The following PHF20 variants were observed in gnomAD, a reference collection of about 807,000 sequenced individuals.
PHF20 encodes PHD finger protein 20.
Under a neutral mutation model 113.5 loss-of-function variants are expected in PHF20, and 23 were observed. The observed-to-expected ratio is 0.20, with a 90% CI of 0.15 to 0.29. PHF20 has a LOEUF of 0.29. PHF20 is among the 10% of genes least tolerant of loss of function. PHF20 has a pLI of 1.00. For synonymous variants in PHF20, 434 were observed against 457.3 expected, an observed-to-expected ratio of 0.95 and a Z score of 0.65; for missense variants, 943 against 1,219.6, an observed-to-expected ratio of 0.77 and a Z score of 3.38.
chr20:35,892,025 ACC>A (rs2147040081), intron 9 of PHF20, among the ~76,000 whole-genome samples: 1 of 147,058 alleles, frequency 6.8e-6, no homozygotes, highest in Admixed American at 6.8e-5. Flanking sequence ...ATCCGCCACC[ACC>A]CCCAGCTAAT....
At chr20:35,815,295 T>A (rs1024825781) in intron 2 of PHF20, among the ~76,000 whole-genome samples, 4 of 150,822 alleles carry the variant, frequency 2.7e-5, no homozygotes, top group Non-Finnish European at 5.9e-5. Context: ...ACTCAAAATA[T>A]GGCCAGACAC....
intron 2 of PHF20, among the ~76,000 whole-genome samples, chr20:35,833,645 A>G (rs558339885): frequency 1.3e-5 from 2 of 152,226 alleles, no homozygotes; most frequent in East Asian, 3.9e-4. Flanking sequence ...CAGACTCTTG[A>G]TCTCTGAAGG....
At chr20:35,926,903 G>T (rs756213245) in intron 13 of PHF20, among the ~76,000 whole-genome samples, 1 of 152,188 alleles carries the variant, frequency 6.6e-6, no homozygotes, top group African/African-American at 2.4e-5. Flanking sequence ...GTAGTTAAAG[G>T]TTTAGGGTCC....
intron 4 of PHF20, chr20:35,856,399 C>A (rs1302143971): frequency 1.3e-5 from 2 of 152,056 alleles, no homozygotes; most frequent in Non-Finnish European, 1.5e-5. Flanking sequence ...ATTCCTGTGC[C>A]CTGTTCCCAG....
intron 9 of PHF20, among the ~76,000 whole-genome samples, chr20:35,891,097 C>A (rs931024777): frequency 6.6e-6 from 1 of 152,142 alleles, no homozygotes; most frequent in Non-Finnish European, 1.5e-5. Context: ...ACATTCCAGG[C>A]CGGGTACAGT....
chr20:35,868,706 G>A (rs2054363297), intron 6 of PHF20, among the ~76,000 whole-genome samples: 4 of 152,212 alleles, frequency 2.6e-5, no homozygotes, highest in Admixed American at 2.6e-4. Context: ...TGTCAGAGCT[G>A]GGTTTGCTGG....
chr20:35,779,782 A>C (rs148099722), intron 1 of PHF20, among the ~76,000 whole-genome samples: 1 of 152,048 alleles, frequency 6.6e-6, no homozygotes, highest in African/African-American at 2.4e-5. Context: ...CGGCCTCCCA[A>C]ACTGCTGGGA....
intron 7 of PHF20, 75 bp from the exon 8 acceptor site, chr20:35,870,880 G>A (rs2054408754): frequency 1.8e-6 from 2 of 1,088,004 alleles, no homozygotes; most frequent in Non-Finnish European, 2.6e-6. Context: ...GAGACATCCA[G>A]CCCTGAAATC....
At chr20:35,940,571 C>T (rs1298571759) in intron 16 of PHF20, among the ~76,000 whole-genome samples, 2 of 152,202 alleles carry the variant, frequency 1.3e-5, no homozygotes, top group Non-Finnish European at 2.9e-5. Context: ...GCTCTAATCA[C>T]CTCTCAGGGC....
chr20:35,789,063 G>A (rs183990787), intron 1 of PHF20, among the ~76,000 whole-genome samples: 1 of 152,232 alleles, frequency 6.6e-6, no homozygotes, highest in Non-Finnish European at 1.5e-5. Flanking sequence ...CAGGTGTGAA[G>A]GAAGTCCTTC....
At chr20:35,929,846 C>T (rs1048263224) in intron 14 of PHF20, among the ~76,000 whole-genome samples, 8 of 152,214 alleles carry the variant, frequency 5.3e-5, no homozygotes, top group African/African-American at 7.2e-5. Flanking sequence ...TTAACAGATT[C>T]GTTTTTTAAA....
In PHF20 at chr20:35,892,224, ATTTT is replaced by A. The variant is rs780490898; in HGVS notation, c.1283-7127_1283-7124del. On this transcript the variant is annotated intron_variant, in intron 9 of 17. Transcript: ENST00000374012. Reference sequence around the variant, plus strand: ...AGGCATGCACCACCACGCCTGGCTGATTTTTTTTTTTTTTTTTTTTTTGTATTTT... The same window carrying A: ...AGGCATGCACCACCACGCCTGGCTGATTTTTTTTTTTTTTTTTTGTATTTT... Among the ~76,000 whole-genome samples the A allele has an allele frequency of 1.1e-4, 11 of 102,520 alleles. No individual in the cohort carries two copies. In the East Asian group the frequency reaches 1.3e-3, roughly 12 times the overall value. 67.3% of individuals were successfully genotyped at this position (102,520 alleles called of 152,430 possible).
chr20:35,896,933 CT>C (rs2054997143), intron 9 of PHF20, among the ~76,000 whole-genome samples: 1 of 152,074 alleles, frequency 6.6e-6, no homozygotes, highest in Non-Finnish European at 1.5e-5. Context: ...TCATTGAGTC[CT>C]ATGAGTCCTC....
chr20:35,829,752 TG>T (rs1411962758), intron 2 of PHF20, among the ~76,000 whole-genome samples: 4 of 151,972 alleles, frequency 2.6e-5, no homozygotes, highest in Admixed American at 2.6e-4. Flanking sequence ...CCCAGCACTT[TG>T]GGAGGCTGAG....
intron 9 of PHF20, among the ~76,000 whole-genome samples, chr20:35,877,756 C>T (rs1357344000): frequency 6.6e-6 from 1 of 152,054 alleles, no homozygotes; most frequent in African/African-American, 2.4e-5. Flanking sequence ...ACAGAATAAA[C>T]AAGAGAGAAA....
intron 7 of PHF20, 149 bp downstream of exon 7, chr20:35,869,700 AAGG>A (rs2054384005): frequency 1.5e-6 from 1 of 647,694 alleles, no homozygotes; most frequent in Admixed American, 3.2e-5. Context: ...GTTGGATCAG[AAGG>A]AGTTTTTGCT....
intron 17 of PHF20, among the ~76,000 whole-genome samples, chr20:35,946,496 A>T (rs1268872508): frequency 6.6e-6 from 1 of 151,954 alleles, no homozygotes; most frequent in Non-Finnish European, 1.5e-5. Context: ...ATTCTGTGCC[A>T]CTGATGATTG....
chr20:35,798,118 C>T (rs369033042), intron 1 of PHF20, among the ~76,000 whole-genome samples: 1 of 152,068 alleles, frequency 6.6e-6, no homozygotes, highest in African/African-American at 2.4e-5. Flanking sequence ...CCTGTCTTTA[C>T]AAAAGAATCA....
At chr20:35,889,445 T>A (rs2147033771) in intron 9 of PHF20, among the ~76,000 whole-genome samples, 1 of 151,872 alleles carries the variant, frequency 6.6e-6, no homozygotes, top group Non-Finnish European at 1.5e-5. Context: ...CACTGCAACC[T>A]CCACCTCCTG....
Sources: allele counts gnomAD v4.1 joint callset (sites outside exome capture counted in the v4.1 genomes callset), GRCh38; gene constraint gnomAD v4.1.1; transcripts MANE v1.5; gene names NCBI Gene and HGNC (gene_info 2026-07-23, HGNC 2026-07-21).